The following CUX1 variants were observed in gnomAD, a reference collection of about 807,000 sequenced individuals.
The protein encoded by CUX1 is protein CASP.
A neutral mutation model predicts 158.8 loss-of-function variants in CUX1; 31 were observed. The observed-to-expected ratio is 0.20, with a 90% CI of 0.15 to 0.26. CUX1 has a LOEUF of 0.26. Among genes scored for constraint, CUX1 ranks in the 10% least tolerant of loss-of-function variants. The pLI, the probability that CUX1 is intolerant of heterozygous loss-of-function variation, is 1.00. For synonymous variants in CUX1, 879 were observed against 862.1 expected (o/e 1.02, Z -0.34); for missense variants, 1,589 against 2,014.6 (o/e 0.79, Z 4.04).
chr7:102,182,341 C>T (rs551401947), intron 11 of CUX1, among the ~76,000 whole-genome samples: 1 of 152,222 alleles, frequency 6.6e-6, no homozygotes, highest in Admixed American at 6.5e-5. Flanking sequence ...TCCAATGATA[C>T]TTTCTGTAGT....
intron 2 of CUX1, among the ~76,000 whole-genome samples, chr7:101,957,190 C>G (rs569583469): frequency 1.1e-4 from 17 of 152,038 alleles, no homozygotes; most frequent in Non-Finnish European, 1.5e-4. Context: ...TGCTGTATCA[C>G]CCTAGTTTAA....
intron 4 of CUX1, among the ~76,000 whole-genome samples, chr7:102,094,617 G>C (rs1019407289): frequency 6.6e-6 from 1 of 152,206 alleles, no homozygotes; most frequent in African/African-American, 2.4e-5. Context: ...AGAACTTTTA[G>C]GGAGGGCAGG....
chr7:102,200,805 G>A (rs1416092815), intron 17 of CUX1, among the ~76,000 whole-genome samples: 2 of 151,880 alleles, frequency 1.3e-5, no homozygotes, highest in African/African-American at 4.8e-5. Flanking sequence ...TGATGGGGGA[G>A]GATGACTTGA....
At chr7:102,070,440 CA>C in intron 4 of CUX1, 23 bp downstream of exon 4, 2 of 1,584,246 alleles carry the variant, frequency 1.3e-6, no homozygotes, top group Non-Finnish European at 1.7e-6. Context: ...AGTAATGGCC[CA>C]CCAGTGGGGG....
chr7:102,282,612 C>G, intron 21 of CUX1: 1 of 1,297,212 alleles, frequency 7.7e-7, no homozygotes, highest in Non-Finnish European at 1.1e-6. Context: ...GTCTGGGGCT[C>G]GAGAACCTTT....
intron 2 of CUX1, among the ~76,000 whole-genome samples, chr7:101,926,308 A>G (rs955153319): frequency 3.3e-5 from 5 of 152,160 alleles, no homozygotes; most frequent in Non-Finnish European, 7.4e-5. Flanking sequence ...AACCCAAGAC[A>G]TTATTTTCTT....
chr7:102,066,125 C>T (rs1027100132), intron 3 of CUX1, among the ~76,000 whole-genome samples: 2 of 152,158 alleles, frequency 1.3e-5, no homozygotes, highest in Non-Finnish European at 2.9e-5. Context: ...GTCCACGGGG[C>T]TGGTTCCTTC....
intron 2 of CUX1, among the ~76,000 whole-genome samples, chr7:101,964,592 C>T (rs1156856322): frequency 1.3e-5 from 2 of 152,106 alleles, no homozygotes; most frequent in South Asian, 2.1e-4. Context: ...ACAAAATGCC[C>T]ACCTGTGCTC....
At chr7:101,973,329 G>T (rs529527865) in intron 2 of CUX1, among the ~76,000 whole-genome samples, 4 of 152,036 alleles carry the variant, frequency 2.6e-5, no homozygotes, top group Admixed American at 6.6e-5. Context: ...TCACACTCAC[G>T]TTCATCACGG....
At chr7:101,959,946 A>G (rs1477815819) in intron 2 of CUX1, among the ~76,000 whole-genome samples, 1 of 152,208 alleles carries the variant, frequency 6.6e-6, no homozygotes, top group Non-Finnish European at 1.5e-5. Context: ...TGAAAAGAAC[A>G]GGTTTGCTGT....
intron 2 of CUX1, among the ~76,000 whole-genome samples, chr7:102,015,376 C>T (rs1818469138): frequency 1.3e-5 from 2 of 152,072 alleles, no homozygotes; most frequent in African/African-American, 4.8e-5. Context: ...TACAGGCACA[C>T]ACCACCATGC....
chr7:102,126,987 C>T (rs201518), intron 8 of CUX1, among the ~76,000 whole-genome samples: 79,388 of 151,868 alleles, frequency 0.52, 21,358 homozygotes, highest in Middle Eastern at 0.66. Context: ...CTCGCATGCG[C>T]AGTTCACAGT....
At chr7:101,872,763 G>C (rs911522359) in intron 1 of CUX1, among the ~76,000 whole-genome samples, 12 of 152,082 alleles carry the variant, frequency 7.9e-5, no homozygotes, top group Non-Finnish European at 1.2e-4. Flanking sequence ...CTCTCTGTTA[G>C]AGAATACTAA....
At position 102,197,376 on chromosome 7, in the gene CUX1, G is replaced by T. The variant is rs1307102109; in HGVS notation, c.1894+71G>T. The T allele has an allele frequency of 5.4e-6, 8 of 1,483,188 alleles. No homozygotes were observed. The Admixed American group carries it at 1.4e-4, about 26-fold the overall frequency. 91.9% of individuals were successfully genotyped at this position (1,483,188 alleles called of 1,614,324 possible). On this transcript the variant is annotated intron_variant, in intron 15 of 23. Coordinates refer to ENST00000292535, the MANE Select transcript of CUX1 (RefSeq NM_181552.4). ...GAGTTGCACATGTGTGTGTGCATGC[G>T]TGCGTGTGTCTGTGTGCGTGATGAA...
At chr7:101,918,486 G>A (rs1206915552) in intron 2 of CUX1, among the ~76,000 whole-genome samples, 1 of 152,246 alleles carries the variant, frequency 6.6e-6, no homozygotes, top group Admixed American at 6.5e-5. Context: ...GGAGGCAGAT[G>A]ATGGAAGGTC....
chr7:101,850,495 G>A (rs1410577155), intron 1 of CUX1, among the ~76,000 whole-genome samples: 2 of 147,766 alleles, frequency 1.4e-5, no homozygotes, highest in African/African-American at 5.0e-5. Flanking sequence ...TGCGATCATG[G>A]CTCGCTGCAG....
At chr7:102,010,453 T>G (rs1430505788) in intron 2 of CUX1, among the ~76,000 whole-genome samples, 1 of 150,662 alleles carries the variant, frequency 6.6e-6, no homozygotes, top group African/African-American at 2.4e-5. Context: ...GAAAGGGAGA[T>G]TCACCAAGTG....
chr7:102,047,493 A>T (rs1389893602), intron 3 of CUX1, among the ~76,000 whole-genome samples: 2 of 127,512 alleles, frequency 1.6e-5, no homozygotes, highest in Admixed American at 1.6e-4. Flanking sequence ...GAAGGGAGAG[A>T]TGGAGGGAGG....
At chr7:101,888,733 G>A (rs993213129) in intron 1 of CUX1, among the ~76,000 whole-genome samples, 7 of 151,968 alleles carry the variant, frequency 4.6e-5, no homozygotes, top group African/African-American at 1.7e-4. Flanking sequence ...GAGATTACAG[G>A]TGCACACCAC....
Sources: gnomAD v4.1 joint callset for allele counts (sites outside exome capture counted in the v4.1 genomes callset) on GRCh38, gnomAD v4.1.1 for gene constraint, MANE v1.5 for transcripts, NCBI Gene and HGNC (gene_info 2026-07-23, HGNC 2026-07-21) for gene names.